SOX5: variants seen among roughly 807,000 people sequenced by gnomAD.
SOX5 encodes transcription factor SOX-5.
In SOX5, 9 loss-of-function variants were observed where a neutral mutation model predicts 92.0. The ratio of observed to expected loss-of-function variants is 0.10; its 90% CI spans 0.06 to 0.17. The LOEUF (loss-of-function observed/expected upper bound fraction) is 0.17. Ranked by LOEUF, SOX5 falls within the 10% of genes least tolerant of loss-of-function variation. SOX5 has a pLI of 1.00. For missense variants in SOX5, 642 were observed against 944.5 expected (o/e 0.68, Z 4.20); for synonymous variants, 344 against 336.3 (o/e 1.02, Z -0.25).
At chr12:23,830,908 T>G (rs544560310) in intron 3 of SOX5, among the ~76,000 whole-genome samples, 43 of 152,216 alleles carry the variant, frequency 2.8e-4, no homozygotes, top group African/African-American at 1.0e-3. Context: ...TAATGTAAAC[T>G]CAAACATCAA....
At chr12:24,434,047 G>A (rs923965222) in intron 1 of SOX5, among the ~76,000 whole-genome samples, 1 of 152,126 alleles carries the variant, frequency 6.6e-6, no homozygotes, top group African/African-American at 2.4e-5. Context: ...CAGTCTCTCG[G>A]AATCAAGAGA....
At chr12:23,563,459 C>A in intron 10 of SOX5, 56 bp from the exon 11 acceptor site, 2 of 1,513,312 alleles carry the variant, frequency 1.3e-6, no homozygotes, top group South Asian at 1.2e-5. Context: ...TCTAGGCTAG[C>A]GTTTAACCAT....
chr12:23,807,152 AC>A (rs1273733904), intron 3 of SOX5, among the ~76,000 whole-genome samples: 3 of 152,192 alleles, frequency 2.0e-5, no homozygotes, highest in Admixed American at 1.3e-4. Flanking sequence ...TTAAACTCAT[AC>A]CGTGATTAGA....
At chr12:24,506,925 G>A (rs1472055450) in intron 1 of SOX5, among the ~76,000 whole-genome samples, 3 of 150,778 alleles carry the variant, frequency 2.0e-5, no homozygotes, top group Non-Finnish European at 3.0e-5. Context: ...CAAGTAGCTG[G>A]GACTACAGGC....
chr12:24,241,324 C>T (rs1164842813), intron 3 of SOX5, among the ~76,000 whole-genome samples: 1 of 152,086 alleles, frequency 6.6e-6, no homozygotes, highest in Non-Finnish European at 1.5e-5. Context: ...AGTGGCTCTG[C>T]CTGATTTCAT....
At chr12:24,433,629 T>C (rs1938812852) in intron 1 of SOX5, among the ~76,000 whole-genome samples, 1 of 152,052 alleles carries the variant, frequency 6.6e-6, no homozygotes, top group Non-Finnish European at 1.5e-5. Context: ...AACCATAACG[T>C]TGAAAACACA....
chr12:24,490,970 G>C (rs921651290), intron 1 of SOX5, among the ~76,000 whole-genome samples: 8 of 152,070 alleles, frequency 5.3e-5, no homozygotes, highest in Non-Finnish European at 1.0e-4. Flanking sequence ...CAAAATAAGA[G>C]GTGAGGCAGG....
chr12:24,466,084 A>G (rs1944204039), intron 1 of SOX5, among the ~76,000 whole-genome samples: 1 of 152,200 alleles, frequency 6.6e-6, no homozygotes, highest in Admixed American at 6.5e-5. Context: ...GAGAGGGTAG[A>G]AGAAAAAAAT....
chr12:23,905,327 T>A (rs2097280551), intron 1 of SOX5, among the ~76,000 whole-genome samples: 1 of 152,198 alleles, frequency 6.6e-6, no homozygotes, highest in African/African-American at 2.4e-5. Context: ...GTTTTCTTAG[T>A]GCTTCACTAA....
intron 2 of SOX5, among the ~76,000 whole-genome samples, chr12:23,884,062 T>G (rs188982180): frequency 9.9e-5 from 15 of 152,244 alleles, no homozygotes; most frequent in Admixed American, 9.8e-4. Context: ...TACTCCTAGA[T>G]CACAGAACTT....
chr12:23,577,738 T>G (rs752759167), intron 9 of SOX5, among the ~76,000 whole-genome samples: 6 of 152,132 alleles, frequency 3.9e-5, no homozygotes, highest in Non-Finnish European at 7.4e-5. Context: ...CAAATCTATA[T>G]TGATTCATAA....
At chr12:24,085,694 C>G (rs1480365342) in intron 4 of SOX5, among the ~76,000 whole-genome samples, 1 of 151,528 alleles carries the variant, frequency 6.6e-6, no homozygotes, top group Non-Finnish European at 1.5e-5. Flanking sequence ...AGATGTCTCA[C>G]CAACGTAATT....
intron 4 of SOX5, among the ~76,000 whole-genome samples, chr12:24,180,723 A>G (rs564878529): frequency 1.3e-5 from 2 of 152,214 alleles, no homozygotes; most frequent in Non-Finnish European, 2.9e-5. Flanking sequence ...TAAATCATAA[A>G]CATCTATTTC....
At chr12:24,024,977 A>T (rs1455589613) in intron 4 of SOX5, among the ~76,000 whole-genome samples, 1 of 152,074 alleles carries the variant, frequency 6.6e-6, no homozygotes, top group Non-Finnish European at 1.5e-5. Context: ...TACTAAAATA[A>T]GTGATGACCT....
In SOX5 at chr12:23,723,511, G is replaced by A. The variant is rs1019664618; in HGVS notation, c.810+11173C>T. On this transcript the variant is annotated intron_variant, in intron 6 of 14. Coordinates refer to ENST00000451604, the MANE Select transcript of SOX5 (RefSeq NM_006940.6). ...AGCCATGGAAAGGAATACAGAAGTA[G>A]AAAGAGAATTAAAAAGGTATTCAGA... 1.5e-4 allele frequency among the ~76,000 whole-genome samples: 23 copies of A among 151,178 alleles called. 1 individual carries two copies. Among genetic ancestry groups the A allele is most frequent in the African/African-American group, 5.3e-4 (22 of 41,238 alleles).
At chr12:23,913,630 A>G (rs539430648) in intron 1 of SOX5, among the ~76,000 whole-genome samples, 1 of 151,896 alleles carries the variant, frequency 6.6e-6, no homozygotes, top group South Asian at 2.1e-4. Context: ...CAGCTACTCA[A>G]GAGGCTAAGG....
chr12:23,820,964 G>C (rs2096100920), intron 3 of SOX5, among the ~76,000 whole-genome samples: 1 of 152,190 alleles, frequency 6.6e-6, no homozygotes. Flanking sequence ...TGTGAAGAAA[G>C]TCAATGGTAG....
At chr12:23,667,933 G>T (rs2084091577) in intron 6 of SOX5, among the ~76,000 whole-genome samples, 1 of 152,186 alleles carries the variant, frequency 6.6e-6, no homozygotes, top group South Asian at 2.1e-4. Context: ...CGTGGATTCT[G>T]TATTTGCAAA....
At chr12:23,845,391 T>G (rs2096563575) in intron 3 of SOX5, among the ~76,000 whole-genome samples, 1 of 152,152 alleles carries the variant, frequency 6.6e-6, no homozygotes, top group Non-Finnish European at 1.5e-5. Context: ...TTAAGATTAG[T>G]CCATTTGCCT....
Sources: gnomAD v4.1 joint callset for allele counts (sites outside exome capture counted in the v4.1 genomes callset) on GRCh38, gnomAD v4.1.1 for gene constraint, MANE v1.5 for transcripts, NCBI Gene and HGNC (gene_info 2026-07-23, HGNC 2026-07-21) for gene names.